UNC13C: variants seen among roughly 807,000 people sequenced by gnomAD.
UNC13C encodes unc-13 homolog C, also known as protein unc-13 homolog C.
Under a neutral mutation model 245.4 loss-of-function variants are expected in UNC13C, and 174 were observed. The observed-to-expected ratio is 0.71, with a 90% CI of 0.63 to 0.80. UNC13C has a LOEUF of 0.80. Ranked by LOEUF, UNC13C falls within the 30% of genes least tolerant of loss-of-function variation. The pLI is 0.00. For missense variants in UNC13C, 2,829 were observed against 2,602.9 expected (o/e 1.09, Z -1.89); for synonymous variants, 992 against 895.1 (o/e 1.11, Z -1.93).
At chr15:54,059,870 G>C (rs555778165) in intron 2 of UNC13C, among the ~76,000 whole-genome samples, 1 of 152,166 alleles carries the variant, frequency 6.6e-6, no homozygotes, top group African/African-American at 2.4e-5. Flanking sequence ...ATGGGGAAAG[G>C]ATTCCCTATT....
At chr15:54,451,832 G>T (rs1197868866) in intron 19 of UNC13C, among the ~76,000 whole-genome samples, 1 of 151,920 alleles carries the variant, frequency 6.6e-6, no homozygotes, top group Non-Finnish European at 1.5e-5. Context: ...TCCTTCCTTT[G>T]TCATGTTTCT....
intron 28 of UNC13C, 113 bp downstream of exon 28, chr15:54,549,804 T>C: frequency 1.5e-6 from 1 of 669,626 alleles, no homozygotes; most frequent in East Asian, 2.8e-5. Context: ...AGAAGATGTG[T>C]GTGTGATTTC....
intron 19 of UNC13C, among the ~76,000 whole-genome samples, chr15:54,430,985 G>A (rs1007584684): frequency 1.3e-4 from 19 of 151,730 alleles, no homozygotes; most frequent in Non-Finnish European, 2.4e-4. Flanking sequence ...GAAAACCTGG[G>A]CAGAAGATGG....
chr15:54,065,308 C>T (rs1460016636), intron 2 of UNC13C, among the ~76,000 whole-genome samples: 1 of 152,156 alleles, frequency 6.6e-6, no homozygotes. Context: ...CTTAGTTTCC[C>T]TAAGTTCCCA....
chr15:54,070,376 T>G (rs1294698053), intron 2 of UNC13C, among the ~76,000 whole-genome samples: 1 of 152,122 alleles, frequency 6.6e-6, no homozygotes, highest in Admixed American at 6.6e-5. Context: ...AGGCAGCCCG[T>G]GCCAACAGCT....
chr15:54,237,571 A>G (rs531460279), intron 6 of UNC13C, 48 bp from the exon 7 acceptor site: 3 of 1,422,178 alleles, frequency 2.1e-6, no homozygotes, highest in Non-Finnish European at 3.0e-6. Flanking sequence ...CAGTATATGC[A>G]CGTCAACCTC....
At chr15:53,931,063 G>A in the UNC13C span, among the ~76,000 whole-genome samples, 98 of 152,294 alleles carry the variant, frequency 6.4e-4, no homozygotes, top group Admixed American at 5.3e-3. Context: ...GACAACTGTC[G>A]AATGCCATTC....
intron 2 of UNC13C, among the ~76,000 whole-genome samples, chr15:54,073,694 CTG>C (rs914830410): frequency 1.4e-4 from 21 of 152,134 alleles, no homozygotes; most frequent in African/African-American, 5.1e-4. Flanking sequence ...TGACAAGTAT[CTG>C]TCCACATCCT....
chr15:54,169,562 C>T (rs978742875), intron 4 of UNC13C, among the ~76,000 whole-genome samples: 1 of 152,092 alleles, frequency 6.6e-6, no homozygotes, highest in African/African-American at 2.4e-5. Context: ...TTTAACATGA[C>T]CCAGAAGGCC....
At chr15:54,027,430 A>G (rs1032695519) in intron 2 of UNC13C, among the ~76,000 whole-genome samples, 4 of 151,902 alleles carry the variant, frequency 2.6e-5, no homozygotes, top group East Asian at 1.9e-4. Flanking sequence ...GTGCAGTGGC[A>G]GGATCTCGGC....
chr15:54,528,855 A>G (rs2141144249), intron 25 of UNC13C, among the ~76,000 whole-genome samples: 1 of 152,284 alleles, frequency 6.6e-6, no homozygotes, highest in South Asian at 2.1e-4. Context: ...TATTGCCCCA[A>G]GTATCTACTA....
chr15:54,622,235 T>C (rs1180880274), intron 30 of UNC13C, 92 bp from the exon 31 acceptor site: 2 of 858,282 alleles, frequency 2.3e-6, no homozygotes, highest in East Asian at 2.4e-5. Context: ...TCATTTCCAA[T>C]AATACATTTT....
chr15:54,447,557 C>T (rs1379391073), intron 19 of UNC13C, among the ~76,000 whole-genome samples: 1 of 152,174 alleles, frequency 6.6e-6, no homozygotes, highest in Non-Finnish European at 1.5e-5. Flanking sequence ...AGTTTATTTG[C>T]ATAGAGGTGT....
chr15:54,333,665 G>C (rs147937164), intron 15 of UNC13C, 102 bp from the exon 16 acceptor site: 26 of 714,774 alleles, frequency 3.6e-5, no homozygotes, highest in Middle Eastern at 5.0e-4. Context: ...ATTGTATACA[G>C]TTTACTTTCC....
chr15:54,214,729 A>G (rs1339204541), intron 4 of UNC13C, among the ~76,000 whole-genome samples: 1 of 152,018 alleles, frequency 6.6e-6, no homozygotes, highest in South Asian at 2.1e-4. Flanking sequence ...TTGGTCTTTC[A>G]TTAATTATGA....
chr15:54,301,732 A>C (rs2037588334), intron 13 of UNC13C, among the ~76,000 whole-genome samples: 2 of 152,126 alleles, frequency 1.3e-5, no homozygotes, highest in Non-Finnish European at 2.9e-5. Flanking sequence ...TATTATGAAC[A>C]GTGCTGTGAT....
At chr15:54,390,250 A>G (rs1450806680) in intron 17 of UNC13C, among the ~76,000 whole-genome samples, 1 of 152,120 alleles carries the variant, frequency 6.6e-6, no homozygotes, top group Admixed American at 6.6e-5. Flanking sequence ...CTATATACTG[A>G]TCTCTTCTTG....
the UNC13C span, among the ~76,000 whole-genome samples, chr15:53,966,935 A>G: frequency 6.6e-6 from 1 of 151,978 alleles, no homozygotes; most frequent in African/African-American, 2.4e-5. Flanking sequence ...ACCTTTATTT[A>G]AAGCATAATT....
At chr15:54,321,054 G>A (rs889504153) in intron 13 of UNC13C, 11 of 472,326 alleles carry the variant, frequency 2.3e-5, no homozygotes, top group Admixed American at 1.1e-4. Flanking sequence ...TTATTCCCCC[G>A]AAACCGCCTC....
Sources: allele counts gnomAD v4.1 joint callset (sites outside exome capture counted in the v4.1 genomes callset), GRCh38; gene constraint gnomAD v4.1.1; transcripts MANE v1.5; gene names NCBI Gene and HGNC (gene_info 2026-07-23, HGNC 2026-07-21).